Variants in SIN3B observed in about 807,000 individuals in gnomAD.
The protein encoded by SIN3B is SIN3 transcription regulator family member B.
Under a neutral mutation model 120.2 loss-of-function variants are expected in SIN3B, and 19 were observed. The observed-to-expected ratio is 0.16, with a 90% confidence interval of 0.11 to 0.23. SIN3B has a LOEUF of 0.23. Among genes scored for constraint, SIN3B ranks in the 10% least tolerant of loss-of-function variants. SIN3B has a pLI of 1.00. For missense variants in SIN3B, 1,073 were observed against 1,573.0 expected, an observed-to-expected ratio of 0.68 and a Z score of 5.38; for synonymous variants, 654 against 653.2, an observed-to-expected ratio of 1.00 and a Z score of -0.02.
chr19:16,873,711 C>G (rs1353721831), intron 14 of SIN3B, among the ~76,000 whole-genome samples: 4 of 152,244 alleles, frequency 2.6e-5, no homozygotes, highest in Non-Finnish European at 2.9e-5. Flanking sequence ...ATGGGGCTGT[C>G]TGGCTGGAGC....
chr19:16,873,971 T>C (rs2051547548), intron 14 of SIN3B, among the ~76,000 whole-genome samples: 3 of 152,196 alleles, frequency 2.0e-5, no homozygotes, highest in African/African-American at 7.2e-5. Flanking sequence ...TGTCCAGGTG[T>C]TATTGTATCC....
At chr19:16,837,235 A>G (rs934717497) in intron 3 of SIN3B, among the ~76,000 whole-genome samples, 27 of 151,932 alleles carry the variant, frequency 1.8e-4, no homozygotes, top group African/African-American at 6.3e-4. Flanking sequence ...GGGAGCCAGG[A>G]GCGTGAGAAC....
chr19:16,878,431 C>A, intron 18 of SIN3B, 41 bp downstream of exon 18: 1 of 1,589,798 alleles, frequency 6.3e-7, no homozygotes, highest in African/African-American at 1.3e-5. Context: ...TGCCCCTCCT[C>A]ACCCCAAGTC....
chr19:16,876,618 A>G lies in SIN3B; in HGVS notation c.2859+40A>G. 1 of 1,534,062 alleles carries G rather than the reference A, an allele frequency of 6.5e-7. No individual in the cohort carries two copies. The highest frequency in any genetic ancestry group is 9.0e-7 in the Non-Finnish European group (1 of 1,112,370). On this transcript the variant is annotated intron_variant, in intron 16 of 18. Transcript: ENST00000248054. The surrounding 1 kb of genome is among the most constrained non-coding windows in gnomAD (Gnocchi z 7.1). The stretch of plus-strand genomic sequence containing the variant: ...CCAGTCTGTGCCACGCATACCAGGG[A>G]GCGCCTGAGGGCAGCAGCATGGGGC...
chr19:16,839,627 C>T (rs945371367), intron 3 of SIN3B, among the ~76,000 whole-genome samples: 8 of 152,148 alleles, frequency 5.3e-5, no homozygotes, highest in African/African-American at 1.7e-4. Flanking sequence ...CGTTCCGACC[C>T]CTTCTGCCAT....
intron 13 of SIN3B, 60 bp from the exon 14 acceptor site, chr19:16,871,169 T>C (rs1050345272): frequency 1.2e-6 from 2 of 1,604,870 alleles, no homozygotes; most frequent in African/African-American, 1.3e-5. Context: ...TGCCAGAGTT[T>C]GGCCTGCGTG....
intron 3 of SIN3B, among the ~76,000 whole-genome samples, chr19:16,834,109 C>T (rs920840765): frequency 6.6e-6 from 1 of 152,068 alleles, no homozygotes; most frequent in African/African-American, 2.4e-5. Context: ...AAATGAAGCC[C>T]CAGGATCCAG....
chr19:16,865,306 A>AC (rs10625481), intron 10 of SIN3B, 104 bp from the exon 11 acceptor site: 98,608 of 378,334 alleles, frequency 0.26, 6,443 homozygotes, highest in African/African-American at 0.35. Flanking sequence ...AAATACACAC[A>AC]CCCCCCCCCC....
At position 16,851,513 on chromosome 19, in the gene SIN3B, C is replaced by T; in HGVS notation, c.828C>T (p.Arg276=). The T allele has an allele frequency of 1.2e-6, 2 of 1,605,076 alleles. No individual in the cohort carries two copies. Among genetic ancestry groups the T allele is most frequent in the Admixed American group, 1.7e-5 (1 of 58,962 alleles). The change falls in exon 6 of 19, where the codon CGC becomes CGT. Residue 276 remains arginine (R), a synonymous_variant. Coordinates refer to ENST00000248054, the MANE Select transcript of SIN3B (RefSeq NM_001297595.2). ...AGCGCTCCCGGCCCTCGCTCCTCCG[C>T]CCCGTGTCTGCACCCGCCAAGGTAC... ...SRKRSRPSLL[R]PVSAPAKKKM... is the part of the protein sequence containing the mutation.
At chr19:16,830,205 G>T (rs999255709) in intron 2 of SIN3B, among the ~76,000 whole-genome samples, 2 of 152,158 alleles carry the variant, frequency 1.3e-5, no homozygotes, top group African/African-American at 4.8e-5. Context: ...TATTAGTTTT[G>T]TTCATGAAAG....
At chr19:16,871,108 G>A in intron 13 of SIN3B, 121 bp from the exon 14 acceptor site, 1 of 1,206,108 alleles carries the variant, frequency 8.3e-7, no homozygotes, top group South Asian at 1.3e-5. Context: ...CCCCAGGGGT[G>A]GCAGGTGAGG....
chr19:16,845,982 A>G (rs1228698294), intron 4 of SIN3B, among the ~76,000 whole-genome samples: 2 of 152,166 alleles, frequency 1.3e-5, no homozygotes, highest in Non-Finnish European at 2.9e-5. Flanking sequence ...TGTATTGCCC[A>G]GGCTGGTCTT....
intron 10 of SIN3B, 98 bp from the exon 11 acceptor site, chr19:16,865,312 C>CCA: frequency 1.8e-6 from 1 of 558,512 alleles, no homozygotes; most frequent in Non-Finnish European, 3.3e-6. Context: ...ACACACCCCC[C>CCA]CCCCAAAAAA....
At chr19:16,829,630 C>T in intron 1 of SIN3B, 90 bp downstream of exon 1, 1 of 1,191,456 alleles carries the variant, frequency 8.4e-7, no homozygotes, top group Non-Finnish European at 1.1e-6. Context: ...CGGCCCCAGC[C>T]CCACCTCGGC....
intron 6 of SIN3B, among the ~76,000 whole-genome samples, chr19:16,851,966 G>A (rs902101812): frequency 3.9e-5 from 6 of 152,186 alleles, no homozygotes; most frequent in Non-Finnish European, 8.8e-5. Context: ...ATTATTCCTT[G>A]TGCAGTTACT....
Position 16,862,945 on chromosome 19 carries a change from A to G in SIN3B, c.1266+386A>G, listed in dbSNP as rs1971709570. 29 of 1,614,258 alleles carry G rather than the reference A, an allele frequency of 1.8e-5. No homozygotes were observed. The highest frequency in any genetic ancestry group is 1.6e-4 in the East Asian group (7 of 44,890). Reference sequence around the variant, plus strand: ...GACGATTACTGCATGTCCAAGTTCAAGAATACCTGCTGGATTCCAGGATAT... The same window carrying G: ...GACGATTACTGCATGTCCAAGTTCAGGAATACCTGCTGGATTCCAGGATAT... On this transcript the variant is annotated intron_variant, in intron 9 of 18. Transcript: ENST00000248054. This position sits in a 1 kb window ranked among gnomAD's most constrained non-coding sequence, Gnocchi z 4.7.
chr19:16,865,742 G>A (rs1467415446), intron 11 of SIN3B, 94 bp downstream of exon 11: 16 of 862,270 alleles, frequency 1.9e-5, no homozygotes, highest in Non-Finnish European at 2.7e-5. Context: ...AGCCCTTGGA[G>A]AGCTCATTAG....
intron 5 of SIN3B, among the ~76,000 whole-genome samples, chr19:16,848,426 G>GTTTTTTTTTTTTTTTTTTTTTCTT (rs11293258): frequency 8.5e-6 from 1 of 116,964 alleles, no homozygotes. Flanking sequence ...TCTTTTCCAG[G>GTTTTTTTTTTTTTTTTTTTTTCTT]TTTTTTTTTT....
intron 3 of SIN3B, among the ~76,000 whole-genome samples, chr19:16,838,408 A>G (rs952138665): frequency 6.6e-6 from 1 of 152,054 alleles, no homozygotes; most frequent in African/African-American, 2.4e-5. Flanking sequence ...CCGTATGGAC[A>G]TTTCATATCA....
Sources: allele counts gnomAD v4.1 joint callset (sites outside exome capture counted in the v4.1 genomes callset), GRCh38; gene constraint gnomAD v4.1.1; non-coding constraint Gnocchi (gnomAD v3.1); transcripts MANE v1.5; gene names NCBI Gene and HGNC (gene_info 2026-07-23, HGNC 2026-07-21).